RALGPS2: variants seen among roughly 807,000 people sequenced by gnomAD.
RALGPS2 encodes Ral GEF with PH domain and SH3 binding motif 2, also known as ras-specific guanine nucleotide-releasing factor RalGPS2.
Under a neutral mutation model 86.8 loss-of-function variants are expected in RALGPS2, and 43 were observed. That is an observed-to-expected ratio of 0.50 (90% CI 0.39 to 0.64). RALGPS2 has a LOEUF of 0.64. RALGPS2 is among the 30% of genes least tolerant of loss of function. The pLI is 0.00. For synonymous variants in RALGPS2, 243 were observed against 231.3 expected (o/e 1.05, Z -0.46); for missense variants, 536 against 694.6 (o/e 0.77, Z 2.57).
intron 1 of RALGPS2, among the ~76,000 whole-genome samples, chr1:178,732,398 A>G (rs921360277): frequency 3.9e-5 from 6 of 152,108 alleles, no homozygotes; most frequent in African/African-American, 1.2e-4. Flanking sequence ...TCCTGGGTTC[A>G]GGTGGTTCTC....
chr1:178,853,705 A>G (rs1036237696), intron 8 of RALGPS2: 2 of 1,612,820 alleles, frequency 1.2e-6, no homozygotes, highest in Admixed American at 3.3e-5. Context: ...GCATTGGTCC[A>G]TTGCTGTTTT....
chr1:178,829,563 C>G lies in RALGPS2; in HGVS notation c.481-3861C>G, dbSNP rs190879068. Among the ~76,000 whole-genome samples, 313 of 152,182 alleles carry G rather than the reference C, an allele frequency of 2.1e-3. 2 individuals carry two copies. The highest frequency in any genetic ancestry group is 7.3e-3 in the African/African-American group (303 of 41,510). On this transcript the variant is annotated intron_variant, in intron 7 of 19. Transcript: ENST00000367635. The stretch of plus-strand genomic sequence containing the variant: ...TTTCATCCCAAAACCTTTCCCCATT[C>G]ATGTTCATGGAAAAATTGTCGCTGG...
At chr1:178,733,039 CT>C (rs941683036) in intron 1 of RALGPS2, among the ~76,000 whole-genome samples, 1 of 151,882 alleles carries the variant, frequency 6.6e-6, no homozygotes, top group South Asian at 2.1e-4. Context: ...GTAAAGCTTT[CT>C]TTTTTTTCCC....
chr1:178,785,319 T>A (rs966665044), intron 3 of RALGPS2, among the ~76,000 whole-genome samples: 3 of 152,000 alleles, frequency 2.0e-5, no homozygotes, highest in Non-Finnish European at 4.4e-5. Context: ...TCCAAATTTT[T>A]AAAATTATTT....
chr1:178,749,028 G>A lies in RALGPS2; in HGVS notation c.-84+23609G>A, dbSNP rs558082571. 5.3e-5 allele frequency among the ~76,000 whole-genome samples: 8 copies of A among 152,150 alleles called. No individual in the cohort carries two copies. In the South Asian group the frequency reaches 1.7e-3, roughly 32 times the overall value. ...TGTTTTTTAAACATTGAGGTGGACG[G>A]AGTCTTGCTGTGTTGCCTAGGCTAG... On this transcript the variant is annotated intron_variant, in intron 1 of 19. Coordinates refer to ENST00000367635, the MANE Select transcript of RALGPS2 (RefSeq NM_152663.5).
chr1:178,921,759 G>A lies in RALGPS2; in HGVS notation c.*5400G>A, dbSNP rs1647332391. 1.3e-5 allele frequency: 2 copies of A among 152,050 alleles called. No individual in the cohort carries two copies. Among genetic ancestry groups the A allele is most frequent in the African/African-American group, 4.8e-5 (2 of 41,422 alleles). 9.4% of individuals were successfully genotyped at this position (152,050 alleles called of 1,614,324 possible). A position where few individuals can be genotyped will look rare whatever the true frequency, so the allele number is the denominator to read the frequency against. On this transcript the variant is annotated 3_prime_UTR_variant, in exon 20 of 20. Transcript: ENST00000367635. ...TGCAAATGTGAGTGTGCGATCTTCAGTGTGTCTGCATAAGCTAACTTAAGA... is the reference window on the plus strand; with the variant it reads ...TGCAAATGTGAGTGTGCGATCTTCAATGTGTCTGCATAAGCTAACTTAAGA...
At chr1:178,894,047 T>C (rs1317723410) in intron 16 of RALGPS2, 23 bp downstream of exon 16, 4 of 1,372,348 alleles carry the variant, frequency 2.9e-6, no homozygotes, top group Non-Finnish European at 4.1e-6. Flanking sequence ...CATATTATAT[T>C]TTAATACACC....
At chr1:178,893,811 T>A in intron 15 of RALGPS2, 108 bp from the exon 16 acceptor site, 2 of 726,264 alleles carry the variant, frequency 2.8e-6, no homozygotes, top group Non-Finnish European at 4.5e-6. Context: ...CAGCTCTGAA[T>A]AAAGTAACAA....
At chr1:178,872,813 A>G (rs1269733881) in intron 8 of RALGPS2, among the ~76,000 whole-genome samples, 1 of 152,244 alleles carries the variant, frequency 6.6e-6, no homozygotes, top group East Asian at 1.9e-4. Context: ...ACAGGTATTT[A>G]GGGACAGATT....
At chr1:178,854,711 C>G (rs1657413485) in intron 8 of RALGPS2, among the ~76,000 whole-genome samples, 3 of 152,136 alleles carry the variant, frequency 2.0e-5, no homozygotes, top group Non-Finnish European at 2.9e-5. Context: ...AGACATAAAT[C>G]CTTGTCTAAT....
intron 6 of RALGPS2, among the ~76,000 whole-genome samples, chr1:178,814,300 G>T (rs1450865514): frequency 6.6e-6 from 1 of 152,110 alleles, no homozygotes; most frequent in Admixed American, 6.6e-5. Context: ...ATGTACTTTG[G>T]ATTATTTCCA....
chr1:178,909,998 T>C (rs1365877707), intron 19 of RALGPS2, among the ~76,000 whole-genome samples: 1 of 152,166 alleles, frequency 6.6e-6, no homozygotes, highest in Non-Finnish European at 1.5e-5. Flanking sequence ...GCTGTATCCC[T>C]AGATATTTTT....
At chr1:178,840,699 T>C (rs561444640) in intron 8 of RALGPS2, among the ~76,000 whole-genome samples, 24 of 151,920 alleles carry the variant, frequency 1.6e-4, no homozygotes, top group Non-Finnish European at 3.2e-4. Context: ...AGAAAATCCA[T>C]GAATCCAGGA....
At chr1:178,903,367 A>G (rs970661582) in intron 18 of RALGPS2, among the ~76,000 whole-genome samples, 1 of 151,938 alleles carries the variant, frequency 6.6e-6, no homozygotes, top group African/African-American at 2.4e-5. Flanking sequence ...TTTTTTTCCC[A>G]TAAGTTATTG....
intron 2 of RALGPS2, among the ~76,000 whole-genome samples, chr1:178,778,230 G>T (rs1445128939): frequency 1.2e-5 from 1 of 83,630 alleles, no homozygotes; most frequent in Admixed American, 1.3e-4. Flanking sequence ...AAAAGTGGGC[G>T]AAGGACATGA....
chr1:178,861,597 A>G (rs1658016507), intron 8 of RALGPS2, among the ~76,000 whole-genome samples: 1 of 152,200 alleles, frequency 6.6e-6, no homozygotes, highest in Non-Finnish European at 1.5e-5. Context: ...CATCCACTCA[A>G]GCTTCAGGGA....
intron 1 of RALGPS2, chr1:178,726,243 A>C (rs1028040098): frequency 6.6e-6 from 1 of 152,276 alleles, no homozygotes; most frequent in African/African-American, 2.4e-5. Flanking sequence ...GGTGATTTGG[A>C]AGAAACGCGA....
rs181666866 is a variant in RALGPS2 at position 178,813,237 on chromosome 1, C to G, written c.387+1833C>G. 6.6e-5 allele frequency among the ~76,000 whole-genome samples: 10 copies of G among 152,200 alleles called. No homozygotes were observed. In the East Asian group the frequency reaches 1.5e-3, roughly 24 times the overall value. On this transcript the variant is annotated intron_variant, in intron 6 of 19. Coordinates refer to ENST00000367635, the MANE Select transcript of RALGPS2 (RefSeq NM_152663.5). ...CGTGAGCCACTGCACCCGGCCAATACTGGTTTTTAACTAATAAAAATTAAT... is the reference window on the plus strand; with the variant it reads ...CGTGAGCCACTGCACCCGGCCAATAGTGGTTTTTAACTAATAAAAATTAAT...
chr1:178,850,979 T>C (rs1378341541), intron 8 of RALGPS2: 2 of 637,370 alleles, frequency 3.1e-6, no homozygotes, highest in Admixed American at 7.8e-5. Flanking sequence ...ACTACATTTA[T>C]AGGTTCCCTT....
Sources: allele counts gnomAD v4.1 joint callset (sites outside exome capture counted in the v4.1 genomes callset), GRCh38; gene constraint gnomAD v4.1.1; transcripts MANE v1.5; gene names NCBI Gene and HGNC (gene_info 2026-07-23, HGNC 2026-07-21).